RARB: variants seen among roughly 807,000 people sequenced by gnomAD.
The protein encoded by RARB is retinoic acid receptor beta.
RARB carries 17 observed loss-of-function variants against 51.9 expected under a neutral mutation model. The ratio of observed to expected loss-of-function variants is 0.33; its 90% CI spans 0.22 to 0.49. The LOEUF (loss-of-function observed/expected upper bound fraction) is 0.49, where lower values mean the gene tolerates loss of function less well. Among genes scored for constraint, RARB ranks in the 20% least tolerant of loss-of-function variants. The probability of loss-of-function intolerance (pLI) is 0.99; values close to 1 mark genes in which losing one functional copy is unlikely to be tolerated. For synonymous variants in RARB, 215 were observed against 195.4 expected (o/e 1.10, Z -0.84); for missense variants, 369 against 550.8 (o/e 0.67, Z 3.30).
intron 5 of RARB, among the ~76,000 whole-genome samples, chr3:25,252,426 G>C (rs1575259016): frequency 1.3e-5 from 2 of 152,106 alleles, no homozygotes; most frequent in African/African-American, 2.4e-5. Flanking sequence ...TGAATCTGTA[G>C]ATCAATTAGG....
At chr3:25,369,945 C>T (rs1291503610) in intron 5 of RARB, among the ~76,000 whole-genome samples, 1 of 151,986 alleles carries the variant, frequency 6.6e-6, no homozygotes, top group African/African-American at 2.4e-5. Flanking sequence ...TTCACTTTCA[C>T]ATAGTTTGGA....
intron 5 of RARB, among the ~76,000 whole-genome samples, chr3:25,419,580 G>T (rs1707802076): frequency 6.6e-6 from 1 of 152,176 alleles, no homozygotes; most frequent in Non-Finnish European, 1.5e-5. Flanking sequence ...TGTCCCATCA[G>T]CACAGAGAGT....
intron 2 of RARB, among the ~76,000 whole-genome samples, chr3:24,977,805 TGA>T (rs990757303): frequency 6.6e-6 from 1 of 152,212 alleles, no homozygotes; most frequent in African/African-American, 2.4e-5. Context: ...ATAGGAGTGG[TGA>T]GAGAGGGCAT....
rs143352286 is a variant in RARB at position 25,325,423 on chromosome 3, C to G, written c.179-135770C>G. 2.4e-3 allele frequency among the ~76,000 whole-genome samples: 367 copies of G among 152,180 alleles called. 1 individual carries two copies. Among genetic ancestry groups the G allele is most frequent in the Non-Finnish European group, 4.0e-3 (274 of 68,010 alleles). On this transcript the variant is annotated intron_variant, in intron 5 of 11. Coordinates refer to the RARB transcript ENST00000383772. Reference sequence around the variant, plus strand: ...GCTGAGCTCCTATCTCATCCTGTGACTTAGAACGGCTAACCTCCTGGGAAT... The same window carrying G: ...GCTGAGCTCCTATCTCATCCTGTGAGTTAGAACGGCTAACCTCCTGGGAAT...
chr3:25,228,819 C>T (rs1023853839), intron 5 of RARB, among the ~76,000 whole-genome samples: 1 of 152,146 alleles, frequency 6.6e-6, no homozygotes, highest in Non-Finnish European at 1.5e-5. Context: ...AGTGTACCTT[C>T]TGCTCTAGAT....
rs144074342 is a variant in RARB, at chr3:25,264,771, C to G, written c.178+90196C>G. On this transcript the variant is annotated intron_variant, in intron 5 of 11. Transcript: ENST00000383772. ...TTCCTTCTGCATGGGTGTATACACA[C>G]TTTTCTCCTTCTTCAAAACTGAAAT... Among the ~76,000 whole-genome samples, 27 of 152,234 alleles carry G rather than the reference C, an allele frequency of 1.8e-4. No homozygotes were observed. In the East Asian group the frequency reaches 5.2e-3, roughly 29 times the overall value.
chr3:25,058,996 A>C (rs191266274), intron 2 of RARB, among the ~76,000 whole-genome samples: 50 of 151,896 alleles, frequency 3.3e-4, no homozygotes, highest in African/African-American at 1.2e-3. Context: ...AGAGATAACC[A>C]GTATTAATGC....
At chr3:25,309,794 C>T (rs1704246255) in intron 5 of RARB, among the ~76,000 whole-genome samples, 1 of 152,128 alleles carries the variant, frequency 6.6e-6, no homozygotes, top group African/African-American at 2.4e-5. Flanking sequence ...CGTGCCCAGC[C>T]TCATAATTGC....
At chr3:25,046,029 G>A (rs1010971432) in intron 2 of RARB, among the ~76,000 whole-genome samples, 6 of 152,192 alleles carry the variant, frequency 3.9e-5, no homozygotes, top group Non-Finnish European at 5.9e-5. Context: ...CCAGGGCATA[G>A]GCCAACATGT....
In RARB at chr3:24,897,799, T is replaced by C. The variant is rs536474355; in HGVS notation, c.-380+39047T>C. On this transcript the variant is annotated intron_variant, in intron 2 of 11. Transcript: ENST00000383772. ...TTTTGTTACAATTTGGGTAAATAGG[T>C]TTAAATAAAACTTTAAAAGAAACTG... Among the ~76,000 whole-genome samples the C allele has an allele frequency of 1.3e-5, 2 of 151,474 alleles. 1 individual carries two copies. The highest frequency in any genetic ancestry group is 4.2e-4 in the South Asian group (2 of 4,814).
intron 5 of RARB, among the ~76,000 whole-genome samples, chr3:25,395,147 C>T (rs539265414): frequency 8.5e-5 from 13 of 152,202 alleles, no homozygotes; most frequent in African/African-American, 2.9e-4. Flanking sequence ...CTTTGTCTTT[C>T]GTTCATTTAT....
In RARB at chr3:25,162,317, C is replaced by A. The variant is rs73145369; in HGVS notation, c.-279-11802C>A. On this transcript the variant is annotated intron_variant, in intron 4 of 11. Transcript: ENST00000383772. ...AGAAACAGAGTCTTGCTATGTTGCC[C>A]AAGCTGGTTTCAAACTCCTGGTCTC... Among the ~76,000 whole-genome samples the A allele has an allele frequency of 6.4e-3, 968 of 152,174 alleles. 15 individuals are homozygous for A. Among genetic ancestry groups the A allele is most frequent in the African/African-American group, 0.022 (919 of 41,532 alleles).
intron 5 of RARB, among the ~76,000 whole-genome samples, chr3:25,271,125 A>G (rs774346047): frequency 1.2e-4 from 19 of 152,358 alleles, no homozygotes; most frequent in East Asian, 1.9e-4. Flanking sequence ...CATCAAAATG[A>G]GGTTGGTCAG....
intron 3 of RARB, among the ~76,000 whole-genome samples, chr3:25,064,508 A>C (rs148862182): frequency 3.4e-4 from 52 of 152,260 alleles, no homozygotes; most frequent in African/African-American, 1.2e-3. Flanking sequence ...AAACTGTCTT[A>C]TAGAATTACC....
chr3:25,211,109 ATATTAACTTT>A (rs1701685501), intron 5 of RARB, among the ~76,000 whole-genome samples: 1 of 152,212 alleles, frequency 6.6e-6, no homozygotes, highest in Non-Finnish European at 1.5e-5. Context: ...CTGTTAACAA[ATATTAACTTT>A]TATTCATCAG....
intron 5 of RARB, among the ~76,000 whole-genome samples, chr3:25,269,538 G>A (rs753537885): frequency 3.3e-5 from 5 of 152,148 alleles, no homozygotes; most frequent in Non-Finnish European, 7.3e-5. Context: ...AGGAAGAGCT[G>A]CTTCTTCATT....
In RARB at chr3:24,966,037, A is replaced by T. The variant is rs559542727; in HGVS notation, c.-379-94088A>T. On this transcript the variant is annotated intron_variant, in intron 2 of 11. Coordinates refer to the RARB transcript ENST00000383772. ...CTGGTTAGCCTTATTAAAGTAAATA[A>T]GTTGGGAAACATATTCAGAAAGTTT... is the stretch of plus-strand genomic sequence containing the variant. 1.8e-4 allele frequency among the ~76,000 whole-genome samples: 28 copies of T among 152,306 alleles called. No homozygotes were observed. In the East Asian group the frequency reaches 5.4e-3, roughly 29 times the overall value.
chr3:25,532,803 G>A (rs1342673477), intron 3 of RARB, among the ~76,000 whole-genome samples: 3 of 152,120 alleles, frequency 2.0e-5, no homozygotes, highest in Admixed American at 6.6e-5. Context: ...CTCAGACACC[G>A]AGCCACAAGA....
chr3:24,905,223 C>T (rs774686332), intron 2 of RARB, among the ~76,000 whole-genome samples: 1 of 152,080 alleles, frequency 6.6e-6, no homozygotes, highest in Non-Finnish European at 1.5e-5. Flanking sequence ...AGTGAATAGC[C>T]ATCTCTTCCT....
Sources: gnomAD v4.1 joint callset for allele counts (sites outside exome capture counted in the v4.1 genomes callset) on GRCh38, gnomAD v4.1.1 for gene constraint, MANE v1.5 for transcripts, NCBI Gene and HGNC (gene_info 2026-07-23, HGNC 2026-07-21) for gene names.